Variants in AP3S2 observed in about 807,000 individuals in gnomAD.
AP3S2 encodes adaptor related protein complex 3 subunit sigma 2, also known as AP-3 complex subunit sigma-2.
A neutral mutation model predicts 23.4 loss-of-function variants in AP3S2; 22 were observed. The observed-to-expected ratio is 0.94, with a 90% confidence interval of 0.67 to 1.34. AP3S2 has a LOEUF of 1.34. Ranked by LOEUF, AP3S2 falls within the 40% of genes most tolerant of loss-of-function variation. The pLI is 0.00. For synonymous variants in AP3S2, 86 were observed against 87.1 expected, an observed-to-expected ratio of 0.99 and a Z score of 0.07; for missense variants, 241 against 236.9, an observed-to-expected ratio of 1.02 and a Z score of -0.11.
intron 4 of AP3S2, among the ~76,000 whole-genome samples, chr15:89,867,649 C>T (rs1484583475): frequency 4.5e-5 from 6 of 132,650 alleles, no homozygotes; most frequent in Non-Finnish European, 9.8e-5. Context: ...ATGTGGGGAG[C>T]GCCTCTGCCC....
chr15:89,891,023 C>T (rs1232269912), intron 1 of AP3S2, among the ~76,000 whole-genome samples: 1 of 152,190 alleles, frequency 6.6e-6, no homozygotes, highest in East Asian at 1.9e-4. Context: ...ATGCAAAATA[C>T]AAAACATGCT....
intron 3 of AP3S2, chr15:89,877,159 G>T: frequency 2.4e-6 from 1 of 421,868 alleles, no homozygotes; most frequent in Non-Finnish European, 4.5e-6. Flanking sequence ...AAAGTTAGAA[G>T]ACTTTGAAGC....
At position 89,867,705 on chromosome 15, in the gene AP3S2, C is replaced by A. The variant is rs1289481085; in HGVS notation, c.345+3770G>T. The stretch of plus-strand genomic sequence containing the variant: ...GAGGAGCGCCTCTGCCCGGCCGAGA[C>A]CCCGTCTGGGAGGTAAGGAGCGTCT... On this transcript the variant is annotated intron_variant, in intron 4 of 5. Transcript: ENST00000336418. Among the ~76,000 whole-genome samples the A allele has an allele frequency of 2.9e-5, 4 of 136,754 alleles. No homozygotes were observed. The South Asian group carries it at 7.6e-4, about 26-fold the overall frequency. The allele number at this position is 136,754 out of a possible 152,430, so 89.7% of individuals were successfully genotyped here.
At chr15:89,839,864 T>C (rs1487549284) in intron 4 of AP3S2, among the ~76,000 whole-genome samples, 2 of 151,622 alleles carry the variant, frequency 1.3e-5, no homozygotes, top group Admixed American at 6.6e-5. Context: ...TTTTTTTTCA[T>C]CTGAATTGAG....
At chr15:89,840,352 C>T (rs1895298339) in intron 4 of AP3S2, among the ~76,000 whole-genome samples, 1 of 152,112 alleles carries the variant, frequency 6.6e-6, no homozygotes. Context: ...TATTATGAAC[C>T]AAGTACTTTA....
chr15:89,872,863 G>T (rs993505407), intron 3 of AP3S2, among the ~76,000 whole-genome samples: 1 of 152,198 alleles, frequency 6.6e-6, no homozygotes, highest in Non-Finnish European at 1.5e-5. Flanking sequence ...AGAGCATTTA[G>T]ATTCCTTTCT....
intron 4 of AP3S2, among the ~76,000 whole-genome samples, chr15:89,858,900 CA>C (rs764505949): frequency 6.6e-4 from 100 of 152,226 alleles, no homozygotes; most frequent in Non-Finnish European, 7.2e-4. Flanking sequence ...CTTGAAGCAG[CA>C]GGTAATCAAT....
At chr15:89,882,593 A>C (rs1896598459) in intron 3 of AP3S2, among the ~76,000 whole-genome samples, 1 of 152,052 alleles carries the variant, frequency 6.6e-6, no homozygotes, top group Non-Finnish European at 1.5e-5. Context: ...TCCTGACCTC[A>C]AGTGATCTGC....
chr15:89,866,858 T>C (rs1896136165), intron 4 of AP3S2, among the ~76,000 whole-genome samples: 1 of 152,114 alleles, frequency 6.6e-6, no homozygotes, highest in Non-Finnish European at 1.5e-5. Flanking sequence ...AAAGCTACTC[T>C]CACAGGTGCC....
intron 3 of AP3S2, 114 bp from the exon 4 acceptor site, chr15:89,871,660 A>T: frequency 9.2e-7 from 1 of 1,089,408 alleles, no homozygotes; most frequent in Non-Finnish European, 1.3e-6. Flanking sequence ...CTTTATGATA[A>T]ATCTCAAAAA....
intron 4 of AP3S2, among the ~76,000 whole-genome samples, chr15:89,844,205 CTTTCTCTTTCTTTCTTTCTT>C (rs1895408269): frequency 7.5e-6 from 1 of 133,378 alleles, no homozygotes; most frequent in Non-Finnish European, 1.8e-5. Flanking sequence ...CTCTTTCTTT[CTTTCTCTTTCTTTCTTTCTT>C]TCTTTCTTTC....
chr15:89,868,389 TG>T (rs770773669), intron 4 of AP3S2, among the ~76,000 whole-genome samples: 1 of 19,390 alleles, frequency 5.2e-5, no homozygotes, highest in African/African-American at 1.9e-4. Flanking sequence ...GGGAGGGAGG[TG>T]GGGGGGTCAG....
In AP3S2 at chr15:89,889,068, T is replaced by C. The variant is rs770252273; in HGVS notation, c.142A>G (p.Asn48Asp). Residue 48 changes from asparagine to aspartate, a missense_variant, in exon 2 of 6, where the codon AAC (asparagine) becomes GAC (aspartate). Transcript: ENST00000336418. The part of the protein sequence containing the change: ...LVLKRDDNIC[N>D]FLEGGSLIGG... ...GTTTACCTTCCACCCTCCAAGAAGT[T>C]ACAGATGTTGTCATCCCGCTTGAGG... 4 of 1,614,180 alleles carry C rather than the reference T, an allele frequency of 2.5e-6. No individual in the cohort carries two copies. Among genetic ancestry groups the C allele is most frequent in the East Asian group, 2.2e-5 (1 of 44,882 alleles).
intron 3 of AP3S2, among the ~76,000 whole-genome samples, chr15:89,872,238 G>C (rs1896337892): frequency 6.6e-6 from 1 of 151,692 alleles, no homozygotes; most frequent in Non-Finnish European, 1.5e-5. Flanking sequence ...ATTATTACAG[G>C]GTTAACATAG....
At chr15:89,880,680 A>AC (rs1197920529) in intron 3 of AP3S2, among the ~76,000 whole-genome samples, 1 of 151,916 alleles carries the variant, frequency 6.6e-6, no homozygotes, top group East Asian at 1.9e-4. Flanking sequence ...TCTCAAAAAA[A>AC]AAAAAAGAAA....
At chr15:89,858,309 C>T (rs1205216051) in intron 4 of AP3S2, among the ~76,000 whole-genome samples, 4 of 151,796 alleles carry the variant, frequency 2.6e-5, no homozygotes, top group East Asian at 1.9e-4. Context: ...GGTGTGGTGG[C>T]GCACGCCTAT....
chr15:89,848,567 A>G, intron 4 of AP3S2: 1 of 152,416 alleles, frequency 6.6e-6, no homozygotes, highest in Non-Finnish European at 1.5e-5. Flanking sequence ...TCACCGTGTT[A>G]GCCAGGATGG....
chr15:89,840,027 C>T (rs79929740), intron 4 of AP3S2, among the ~76,000 whole-genome samples: 11 of 152,190 alleles, frequency 7.2e-5, no homozygotes, highest in African/African-American at 2.6e-4. Context: ...GAGACAGAAA[C>T]TGGAACGGGG....
intron 4 of AP3S2, among the ~76,000 whole-genome samples, chr15:89,852,086 G>C (rs927135692): frequency 2.8e-4 from 42 of 151,966 alleles, no homozygotes; most frequent in African/African-American, 1.0e-3. Flanking sequence ...CATAATCAGA[G>C]TCCAGGATCT....
Sources: allele counts gnomAD v4.1 joint callset (sites outside exome capture counted in the v4.1 genomes callset), GRCh38; gene constraint gnomAD v4.1.1; transcripts MANE v1.5; gene names NCBI Gene and HGNC (gene_info 2026-07-23, HGNC 2026-07-21).